CEP112: variants seen among roughly 807,000 people sequenced by gnomAD.
The protein encoded by CEP112 is centrosomal protein of 112 kDa.
A neutral mutation model predicts 153.0 loss-of-function variants in CEP112; 127 were observed. The ratio of observed to expected loss-of-function variants is 0.83; its 90% CI spans 0.72 to 0.96. CEP112 has a LOEUF of 0.96. Among genes scored for constraint, CEP112 ranks in the 40% least tolerant of loss-of-function variants. The pLI is 0.00. For missense variants in CEP112, 1,089 were observed against 1,101.2 expected, an observed-to-expected ratio of 0.99 and a Z score of 0.16; for synonymous variants, 358 against 374.4, an observed-to-expected ratio of 0.96 and a Z score of 0.51.
At chr17:66,179,314 C>T (rs770356487) in intron 2 of CEP112, among the ~76,000 whole-genome samples, 6 of 152,034 alleles carry the variant, frequency 3.9e-5, no homozygotes, top group Non-Finnish European at 8.8e-5. Context: ...ATTGATTATT[C>T]CAATCCATGA....
chr17:66,033,019 AC>A (rs141736817), intron 12 of CEP112, among the ~76,000 whole-genome samples: 8,321 of 150,846 alleles, frequency 0.055, 302 homozygotes, highest in South Asian at 0.11. Flanking sequence ...ATAATCTGGC[AC>A]GAAAAAGAAG....
At chr17:65,660,057 AT>A (rs1271260903) in intron 24 of CEP112, among the ~76,000 whole-genome samples, 1 of 152,132 alleles carries the variant, frequency 6.6e-6, no homozygotes, top group Non-Finnish European at 1.5e-5. Context: ...GATAAGTGAG[AT>A]AGGTGGAGAC....
intron 24 of CEP112, among the ~76,000 whole-genome samples, chr17:65,652,813 G>A (rs564519263): frequency 1.3e-5 from 2 of 152,314 alleles, no homozygotes; most frequent in African/African-American, 4.8e-5. Flanking sequence ...TGGCTAGTGA[G>A]TGTCTTAGTT....
chr17:65,735,020 T>C (rs1041657116), intron 23 of CEP112, among the ~76,000 whole-genome samples: 1 of 152,204 alleles, frequency 6.6e-6, no homozygotes. Context: ...TTCCAAATGT[T>C]GATACACTTC....
chr17:66,044,819 C>G lies in CEP112; in HGVS notation c.1218+8917G>C, dbSNP rs528869846. Among the ~76,000 whole-genome samples, 4 of 152,070 alleles carry G rather than the reference C, an allele frequency of 2.6e-5. No homozygotes were observed. The South Asian group carries it at 8.3e-4, about 32-fold the overall frequency. On this transcript the variant is annotated intron_variant, in intron 12 of 26. Coordinates refer to ENST00000535342, the MANE Select transcript of CEP112 (RefSeq NM_001199165.4). ...TGTAAATGTACTTAATGCCACTGAA[C>G]TATATACTTATAATTATTAAAATGG... is the stretch of plus-strand genomic sequence containing the variant.
chr17:66,090,998 T>C (rs2068111588), intron 8 of CEP112, among the ~76,000 whole-genome samples: 1 of 152,048 alleles, frequency 6.6e-6, no homozygotes. Flanking sequence ...ATTATAAATA[T>C]ATATGCCCCC....
intron 23 of CEP112, among the ~76,000 whole-genome samples, chr17:65,696,995 G>T (rs2048392180): frequency 6.6e-6 from 1 of 152,142 alleles, no homozygotes; most frequent in African/African-American, 2.4e-5. Context: ...GACCAGGGGG[G>T]TAGGATGTGC....
At chr17:66,024,052 A>C (rs556192941) in intron 16 of CEP112, among the ~76,000 whole-genome samples, 2 of 152,336 alleles carry the variant, frequency 1.3e-5, no homozygotes, top group Non-Finnish European at 2.9e-5. Context: ...ACATAAACTG[A>C]ATTAATGGCA....
At chr17:65,962,483 C>T (rs1172647837) in intron 17 of CEP112, among the ~76,000 whole-genome samples, 1 of 152,162 alleles carries the variant, frequency 6.6e-6, no homozygotes, top group Non-Finnish European at 1.5e-5. Flanking sequence ...CAAAAGGAAT[C>T]TTTGCATGTT....
At chr17:66,014,465 G>C (rs944086458) in intron 16 of CEP112, among the ~76,000 whole-genome samples, 5 of 152,164 alleles carry the variant, frequency 3.3e-5, no homozygotes, top group African/African-American at 1.2e-4. Context: ...TCTCCTAGAG[G>C]AACATGGCCA....
At chr17:66,146,261 G>A (rs2070914821) in intron 4 of CEP112, among the ~76,000 whole-genome samples, 3 of 152,076 alleles carry the variant, frequency 2.0e-5, no homozygotes, top group Admixed American at 2.0e-4. Context: ...AGAGATTTGT[G>A]AGGTGGTTAA....
At chr17:65,967,682 T>A (rs972624349) in intron 17 of CEP112, among the ~76,000 whole-genome samples, 7 of 152,156 alleles carry the variant, frequency 4.6e-5, no homozygotes, top group African/African-American at 1.4e-4. Context: ...CAAATTTATG[T>A]GTAAGATAGG....
intron 21 of CEP112, among the ~76,000 whole-genome samples, chr17:65,769,068 A>T (rs2053180268): frequency 6.6e-6 from 1 of 152,134 alleles, no homozygotes. Flanking sequence ...TATTAGATCT[A>T]ATAAATTAAC....
At chr17:65,864,785 C>T (rs2058427091) in intron 20 of CEP112, among the ~76,000 whole-genome samples, 1 of 152,112 alleles carries the variant, frequency 6.6e-6, no homozygotes, top group Admixed American at 6.5e-5. Flanking sequence ...CCAAAAACCT[C>T]CCAGATGAGT....
rs145558193 is a variant in CEP112 at position 66,123,361 on chromosome 17, C to A, written c.642+6385G>T. ...ATACTGTATCCCTTGATTGGGAGCT[C>A]AGGGGAGAGAAACTTCATCTTCTTT... On this transcript the variant is annotated intron_variant, in intron 6 of 26. Transcript: ENST00000535342. 1.1e-4 allele frequency among the ~76,000 whole-genome samples: 16 copies of A among 152,282 alleles called. No individual in the cohort carries two copies. In the East Asian group the frequency reaches 3.1e-3, roughly 29 times the overall value.
At chr17:66,109,906 A>G (rs1177240829) in intron 6 of CEP112, among the ~76,000 whole-genome samples, 1 of 152,234 alleles carries the variant, frequency 6.6e-6, no homozygotes, top group Non-Finnish European at 1.5e-5. Context: ...CACGCCTGTA[A>G]TCCCAGCACT....
intron 19 of CEP112, among the ~76,000 whole-genome samples, chr17:65,920,401 ATAT>A (rs2060675437): frequency 1.1e-4 from 13 of 117,198 alleles, no homozygotes; most frequent in Admixed American, 2.7e-4. Context: ...ATATATATAT[ATAT>A]AATTATAATA....
chr17:66,088,032 G>A (rs1043284102), intron 8 of CEP112, among the ~76,000 whole-genome samples: 2 of 150,740 alleles, frequency 1.3e-5, no homozygotes, highest in Non-Finnish European at 3.0e-5. Context: ...TTAGTCCCTG[G>A]GTCCACCTCA....
At chr17:66,056,947 G>C (rs2145962838) in intron 11 of CEP112, among the ~76,000 whole-genome samples, 1 of 152,260 alleles carries the variant, frequency 6.6e-6, no homozygotes, top group South Asian at 2.1e-4. Context: ...GTTGACAGCT[G>C]GGGCAAAAGT....
Sources: allele counts gnomAD v4.1 joint callset (sites outside exome capture counted in the v4.1 genomes callset), GRCh38; gene constraint gnomAD v4.1.1; transcripts MANE v1.5; gene names NCBI Gene and HGNC (gene_info 2026-07-23, HGNC 2026-07-21).